Variants in ZNF680 observed in about 807,000 individuals in gnomAD.
ZNF680 encodes hypothetical protein FLJ90430.
Under a neutral mutation model 12.1 loss-of-function variants are expected in ZNF680, and 6 were observed. The observed-to-expected ratio is 0.49, with a 90% confidence interval of 0.27 to 0.98. ZNF680 has a LOEUF of 0.98. Among genes scored for constraint, ZNF680 ranks in the 50% least tolerant of loss-of-function variants. ZNF680 has a pLI of 0.12. For missense variants in ZNF680, 561 were observed against 616.3 expected (o/e 0.91, Z 0.95); for synonymous variants, 170 against 199.3 (o/e 0.85, Z 1.24).
intron 3 of ZNF680, among the ~76,000 whole-genome samples, chr7:64,533,663 C>T (rs1006043674): frequency 6.6e-6 from 1 of 150,834 alleles, no homozygotes; most frequent in Non-Finnish European, 1.5e-5. Context: ...ATTAGAAAAA[C>T]CAATTCTAAA....
rs562240708 is a variant in ZNF680, at chr7:64,527,114, G to A, written c.254-4614C>T. Among the ~76,000 whole-genome samples, 10 of 152,146 alleles carry A rather than the reference G, an allele frequency of 6.6e-5. No homozygotes were observed. The South Asian group carries it at 1.0e-3, about 16-fold the overall frequency. ...TTAACTGGGTGTGGTGGCAGGTGCC[G>A]GTAATTCCAGCTACTCAGGAGGATG... On this transcript the variant is annotated intron_variant, in intron 3 of 3. Coordinates refer to ENST00000309683, the MANE Select transcript of ZNF680 (RefSeq NM_178558.5).
At position 64,552,287 on chromosome 7, in the gene ZNF680, A is replaced by T. The variant is rs1437378825; in HGVS notation, c.31-7855T>A. On this transcript the variant is annotated intron_variant, in intron 1 of 3. Transcript: ENST00000309683. The stretch of plus-strand genomic sequence containing the variant: ...ATTCTGGTCTCCAACTCCTGACCTC[A>T]AGTGATCCACCCGCGTTGGCCTCCC... 3.9e-5 allele frequency among the ~76,000 whole-genome samples: 6 copies of T among 152,198 alleles called. No homozygotes were observed. In the East Asian group the frequency reaches 1.2e-3, roughly 29 times the overall value.
chr7:64,543,359 A>G (rs564109974), intron 3 of ZNF680, among the ~76,000 whole-genome samples: 1 of 152,352 alleles, frequency 6.6e-6, no homozygotes, highest in South Asian at 2.1e-4. Flanking sequence ...GTGATGTAGA[A>G]AGAGAACTTA....
chr7:64,526,448 A>G, intron 3 of ZNF680: 2 of 1,454,624 alleles, frequency 1.4e-6, no homozygotes, highest in Non-Finnish European at 9.3e-7. Flanking sequence ...CCACATCTTT[A>G]GGGAGGCCAA....
intron 3 of ZNF680, among the ~76,000 whole-genome samples, chr7:64,526,728 G>T (rs1231359374): frequency 2.0e-5 from 3 of 152,032 alleles, no homozygotes; most frequent in Non-Finnish European, 2.9e-5. Flanking sequence ...GCATAAATCT[G>T]TCGATACCCA....
intron 3 of ZNF680, chr7:64,526,504 A>G: frequency 2.3e-6 from 2 of 856,738 alleles, no homozygotes; most frequent in South Asian, 1.6e-5. Flanking sequence ...CAGCCTGAGC[A>G]ACACAGTAAG....
intron 1 of ZNF680, among the ~76,000 whole-genome samples, chr7:64,562,231 C>T (rs1010039693): frequency 3.2e-5 from 3 of 92,564 alleles, no homozygotes; most frequent in Admixed American, 1.2e-4. Context: ...GACTCCGTTT[C>T]AAAAAAAAAA....
chr7:64,526,503 C>A, intron 3 of ZNF680: 1 of 860,038 alleles, frequency 1.2e-6, no homozygotes, highest in Non-Finnish European at 1.8e-6. Context: ...TCAGCCTGAG[C>A]AACACAGTAA....
intron 1 of ZNF680, among the ~76,000 whole-genome samples, chr7:64,562,027 G>C (rs1173108999): frequency 1.3e-5 from 2 of 150,496 alleles, no homozygotes; most frequent in Non-Finnish European, 2.9e-5. Context: ...AAGGTCAGGA[G>C]TTCAAGACCA....
At chr7:64,502,817 AAG>A in the ZNF680 span, among the ~76,000 whole-genome samples, 4 of 152,202 alleles carry the variant, frequency 2.6e-5, no homozygotes. Context: ...TATATCTGTT[AAG>A]GCAATGCAGG....
intron 3 of ZNF680, among the ~76,000 whole-genome samples, chr7:64,535,235 G>A (rs1584370697): frequency 2.0e-5 from 3 of 152,226 alleles, no homozygotes; most frequent in African/African-American, 7.2e-5. Context: ...ATGTGATGGT[G>A]CATATTTGTA....
At chr7:64,539,726 C>CTA (rs1786397648) in intron 3 of ZNF680, among the ~76,000 whole-genome samples, 1 of 152,200 alleles carries the variant, frequency 6.6e-6, no homozygotes, top group Admixed American at 6.5e-5. Context: ...TTATGGCTTA[C>CTA]TATAGCCTTA....
chr7:64,559,729 A>G (rs943000222), intron 1 of ZNF680, among the ~76,000 whole-genome samples: 3 of 151,826 alleles, frequency 2.0e-5, no homozygotes, highest in Non-Finnish European at 2.9e-5. Flanking sequence ...TGATCCACCC[A>G]CCTTGGCCTC....
At position 64,521,815 on chromosome 7, in the gene ZNF680, C is replaced by G; in HGVS notation, c.939G>C (p.Lys313Asn). 6.2e-7 allele frequency: 1 copy of G among 1,613,294 alleles called. No homozygotes were observed. The highest frequency in any genetic ancestry group is 1.1e-5 in the South Asian group (1 of 91,052). Residue 313 changes from lysine to asparagine, a missense_variant, in exon 4 of 4, where the codon AAG becomes AAC. Lys to Asn is a moderately conservative substitution (Grantham distance 94, BLOSUM62 0). Transcript: ENST00000309683. Reference sequence around the variant, plus strand: ...AGGGTTTCTCTCCAGTATGAATTCTCTTATGGTTAGTAAGGGTTGCAAACC... The same window carrying G: ...AGGGTTTCTCTCCAGTATGAATTCTGTTATGGTTAGTAAGGGTTGCAAACC... ...FNWFATLTNH[K>N]RIHTGEKPFK... is the part of the protein sequence containing the mutation.
At chr7:64,557,699 C>G (rs1787499529) in intron 1 of ZNF680, among the ~76,000 whole-genome samples, 1 of 152,162 alleles carries the variant, frequency 6.6e-6, no homozygotes, top group Non-Finnish European at 1.5e-5. Context: ...ACCAGCCTGG[C>G]CAATGTGGTG....
chr7:64,550,319 GA>G (rs1787008737), intron 1 of ZNF680, among the ~76,000 whole-genome samples: 2 of 152,232 alleles, frequency 1.3e-5, no homozygotes, highest in Non-Finnish European at 2.9e-5. Context: ...GCAGTTTTAA[GA>G]GATAAATCAA....
chr7:64,544,148 A>T, intron 2 of ZNF680, 158 bp downstream of exon 2: 1 of 1,117,330 alleles, frequency 8.9e-7, no homozygotes, highest in Non-Finnish European at 1.2e-6. Context: ...AAACGTACTG[A>T]AGGAATTTTT....
At chr7:64,545,161 G>A (rs1461811444) in intron 1 of ZNF680, among the ~76,000 whole-genome samples, 1 of 151,670 alleles carries the variant, frequency 6.6e-6, no homozygotes, top group African/African-American at 2.4e-5. Context: ...CTACTTGGGA[G>A]GCTGAGGCAG....
the ZNF680 span, among the ~76,000 whole-genome samples, chr7:64,508,126 T>TATATATATATATATATATATATATAC: frequency 2.7e-4 from 21 of 78,664 alleles, no homozygotes; most frequent in African/African-American, 9.7e-4. Flanking sequence ...TTAAAATGTA[T>TATATATATATATATATATATATATAC]ATATATATAT....
Sources: gnomAD v4.1 joint callset for allele counts (sites outside exome capture counted in the v4.1 genomes callset) on GRCh38, gnomAD v4.1.1 for gene constraint, MANE v1.5 for transcripts, NCBI Gene and HGNC (gene_info 2026-07-23, HGNC 2026-07-21) for gene names.